The following EFL1 variants were observed in gnomAD, a reference collection of about 807,000 sequenced individuals.
EFL1 encodes elongation factor-like GTPase 1.
A neutral mutation model predicts 126.7 loss-of-function variants in EFL1; 76 were observed. The ratio of observed to expected loss-of-function variants is 0.60; its 90% CI spans 0.50 to 0.73. The LOEUF is 0.73. EFL1 is among the 30% of genes least tolerant of loss of function. The pLI, the probability that EFL1 is intolerant of heterozygous loss-of-function variation, is 0.00. For synonymous variants in EFL1, 410 were observed against 448.4 expected, an observed-to-expected ratio of 0.91 and a Z score of 1.08; for missense variants, 1,128 against 1,343.2, an observed-to-expected ratio of 0.84 and a Z score of 2.50.
chr15:82,246,894 G>C (rs2074977945), intron 4 of EFL1, among the ~76,000 whole-genome samples: 1 of 152,140 alleles, frequency 6.6e-6, no homozygotes, highest in African/African-American at 2.4e-5. Flanking sequence ...ACCTAACAGT[G>C]AGAGATGGGA....
intron 19 of EFL1, 65 bp downstream of exon 19, chr15:82,138,593 C>T: frequency 6.4e-7 from 1 of 1,551,976 alleles, no homozygotes; most frequent in Non-Finnish European, 8.7e-7. Flanking sequence ...CTACTCTTGG[C>T]CTCCTCTGTA....
At chr15:82,149,055 T>A (rs891098216) in intron 18 of EFL1, among the ~76,000 whole-genome samples, 5 of 152,162 alleles carry the variant, frequency 3.3e-5, no homozygotes, top group African/African-American at 1.2e-4. Flanking sequence ...TCGAAACATT[T>A]GATTTTCTAC....
intron 12 of EFL1, among the ~76,000 whole-genome samples, chr15:82,220,780 A>G (rs28420834): frequency 0.61 from 85,280 of 139,762 alleles, 25,560 homozygotes; most frequent in African/African-American, 0.84. Flanking sequence ...TGAGAATGAG[A>G]AGGGGTGGGG....
intron 14 of EFL1, among the ~76,000 whole-genome samples, chr15:82,218,363 A>G (rs1016005372): frequency 2.0e-5 from 3 of 152,204 alleles, no homozygotes; most frequent in African/African-American, 7.2e-5. Flanking sequence ...TACTGAAATA[A>G]GAGGCCATTT....
intron 18 of EFL1, among the ~76,000 whole-genome samples, chr15:82,140,921 T>A (rs1190232330): frequency 6.6e-6 from 1 of 152,196 alleles, no homozygotes; most frequent in Non-Finnish European, 1.5e-5. Flanking sequence ...GCCCATTCCA[T>A]CTTTGGATAA....
intron 2 of EFL1, among the ~76,000 whole-genome samples, 191 bp from the exon 3 acceptor site, chr15:82,259,346 C>A (rs1356946895): frequency 6.6e-6 from 1 of 152,210 alleles, no homozygotes; most frequent in African/African-American, 2.4e-5. Flanking sequence ...GAGGCTAGCA[C>A]TCTATAATGC....
At chr15:82,175,559 T>C (rs1227737714) in intron 15 of EFL1, among the ~76,000 whole-genome samples, 1 of 152,200 alleles carries the variant, frequency 6.6e-6, no homozygotes, top group East Asian at 1.9e-4. Flanking sequence ...CTACAGTAGT[T>C]ATGGGTTTTA....
chr15:82,175,304 T>C (rs1374641339), intron 15 of EFL1, among the ~76,000 whole-genome samples: 1 of 152,194 alleles, frequency 6.6e-6, no homozygotes, highest in Non-Finnish European at 1.5e-5. Flanking sequence ...AAAGTAACAA[T>C]ATTAGAATGT....
At chr15:82,161,193 AAG>A (rs1555425499) in intron 16 of EFL1, among the ~76,000 whole-genome samples, 54 of 152,042 alleles carry the variant, frequency 3.6e-4, no homozygotes, top group African/African-American at 1.3e-3. Context: ...ATAAAAAAAA[AAG>A]AGAGGACATG....
chr15:82,214,417 T>C (rs1438238336), intron 15 of EFL1, among the ~76,000 whole-genome samples: 2 of 152,194 alleles, frequency 1.3e-5, no homozygotes, highest in African/African-American at 2.4e-5. Flanking sequence ...GTCATCTAGA[T>C]TGACTTTATG....
chr15:82,154,037 A>G (rs914335087), intron 17 of EFL1, among the ~76,000 whole-genome samples: 7 of 152,332 alleles, frequency 4.6e-5, no homozygotes, highest in Admixed American at 1.3e-4. Context: ...TAACATAGTC[A>G]AAAGAGCTAT....
intron 10 of EFL1, 33 bp downstream of exon 10, chr15:82,228,158 T>A (rs1216331917): frequency 4.5e-6 from 7 of 1,563,988 alleles, no homozygotes; most frequent in Non-Finnish European, 6.0e-6. Context: ...TTATCAAAAC[T>A]ATTTCATTAA....
At chr15:82,189,526 T>A (rs1310357908) in intron 15 of EFL1, among the ~76,000 whole-genome samples, 1 of 152,234 alleles carries the variant, frequency 6.6e-6, no homozygotes, top group Non-Finnish European at 1.5e-5. Flanking sequence ...AAACTGGGCA[T>A]CCTGCTTCAA....
At position 82,214,659 on chromosome 15, in the gene EFL1, G is replaced by A; in HGVS notation, c.1750+58C>T. The A allele has an allele frequency of 3.0e-6, 4 of 1,316,318 alleles. No individual in the cohort carries two copies. In the South Asian group the frequency reaches 5.6e-5, roughly 18 times the overall value. The allele number at this position is 1,316,318 out of a possible 1,614,324, so 81.5% of individuals were successfully genotyped here. ...TCAAAAATTTCACTAAATTTTCAGT[G>A]ACATGTTAGATAATCTCCTAGAATG... is the stretch of plus-strand genomic sequence containing the variant. On this transcript the variant is annotated intron_variant, in intron 15 of 19. Transcript: ENST00000268206.
intron 15 of EFL1, among the ~76,000 whole-genome samples, chr15:82,190,387 C>T (rs1313145926): frequency 6.6e-6 from 1 of 152,050 alleles, no homozygotes; most frequent in Non-Finnish European, 1.5e-5. Context: ...CTATTTTGTA[C>T]AAGAAGTCTG....
At chr15:82,160,927 C>A (rs1328017898) in intron 16 of EFL1, among the ~76,000 whole-genome samples, 2 of 152,086 alleles carry the variant, frequency 1.3e-5, no homozygotes, top group Non-Finnish European at 2.9e-5. Context: ...AATGTAAAAT[C>A]CTTAGTACAG....
intron 15 of EFL1, among the ~76,000 whole-genome samples, chr15:82,193,294 T>A (rs376837335): frequency 6.6e-6 from 1 of 152,184 alleles, no homozygotes; most frequent in East Asian, 1.9e-4. Flanking sequence ...TTAATACATA[T>A]TGAGCACCAC....
Position 82,151,909 on chromosome 15 carries a change from T to C in EFL1, c.2545A>G (p.Thr849Ala), listed in dbSNP as rs778470956. 6 of 1,614,010 alleles carry C rather than the reference T, an allele frequency of 3.7e-6. No individual in the cohort carries two copies. The highest frequency in any genetic ancestry group is 1.7e-5 in the Admixed American group (1 of 59,988). Residue 849 changes from threonine to alanine, a missense_variant, in exon 18 of 20, where the codon ACA (threonine) becomes GCA (alanine). This residue lies in a region of EFL1 where 561 missense variants were observed against 641.7 expected (regional missense o/e 0.87). Coordinates refer to ENST00000268206, the MANE Select transcript of EFL1 (RefSeq NM_024580.6). ...TTTGAAGCTTTGTCAGCTGGACCTG[T>C]CCATACTGAGTTCTGAAAATCTTCA... Reference protein sequence around the residue: ...KSEDFQNSVWTGPADKASKEA... With the variant: ...KSEDFQNSVWAGPADKASKEA...
chr15:82,192,403 A>G (rs1340294038), intron 15 of EFL1, among the ~76,000 whole-genome samples: 1 of 147,642 alleles, frequency 6.8e-6, no homozygotes, highest in Non-Finnish European at 1.5e-5. Flanking sequence ...TTCCGTCTCA[A>G]AAAAAAAAAA....
Sources: allele counts gnomAD v4.1 joint callset (sites outside exome capture counted in the v4.1 genomes callset), GRCh38; gene constraint gnomAD v4.1.1; regional missense constraint gnomAD v4.1.1; transcripts MANE v1.5; gene names NCBI Gene and HGNC (gene_info 2026-07-23, HGNC 2026-07-21).